The following UGT1A10 variants were observed in gnomAD, a reference collection of about 807,000 sequenced individuals.
The protein encoded by UGT1A10 is UDP glucuronosyltransferase family 1 member A10.
In UGT1A10, 49 loss-of-function variants were observed where a neutral mutation model predicts 45.8. The observed-to-expected ratio is 1.07, with a 90% CI of 0.85 to 1.36. UGT1A10 has a LOEUF of 1.36. UGT1A10 is among the 40% of genes most tolerant of loss of function. The pLI is 0.00. For synonymous variants in UGT1A10, 284 were observed against 249.7 expected, an observed-to-expected ratio of 1.14 and a Z score of -1.29; for missense variants, 745 against 668.6, an observed-to-expected ratio of 1.11 and a Z score of -1.26.
chr2:233,664,660 C>T (rs1354258800), intron 1 of UGT1A10, among the ~76,000 whole-genome samples: 1 of 152,144 alleles, frequency 6.6e-6, no homozygotes, highest in Non-Finnish European at 1.5e-5. Context: ...TGTGAATACT[C>T]ACTGACTATT....
At position 233,772,978 on chromosome 2, in the gene UGT1A10, T is replaced by C. The variant is rs34942353; in HGVS notation, c.*419T>C. On this transcript the variant is annotated 3_prime_UTR_variant, in exon 5 of 5. Coordinates refer to ENST00000344644, the MANE Select transcript of UGT1A10 (RefSeq NM_019075.4). ...GTTGCAATTGATCCTTAACCAATAATGGTCAGTCCTCATCTCTGTCGTGCT... is the reference window on the plus strand; with the variant it reads ...GTTGCAATTGATCCTTAACCAATAACGGTCAGTCCTCATCTCTGTCGTGCT... 9.7e-5 allele frequency: 29 copies of C among 299,424 alleles called. No homozygotes were observed. The East Asian group carries it at 2.0e-3, about 21-fold the overall frequency. 18.5% of individuals were successfully genotyped at this position (299,424 alleles called of 1,614,324 possible).
At chr2:233,716,496 C>T (rs2076507073) in intron 1 of UGT1A10, among the ~76,000 whole-genome samples, 1 of 152,152 alleles carries the variant, frequency 6.6e-6, no homozygotes, top group African/African-American at 2.4e-5. Context: ...TTCTATTCTC[C>T]AGGCTTCAGA....
At chr2:233,682,254 T>A in intron 1 of UGT1A10, 2 of 1,614,188 alleles carry the variant, frequency 1.2e-6, no homozygotes, top group South Asian at 1.1e-5. Flanking sequence ...CGAAGTGCAT[T>A]TTCTCTATTA....
chr2:233,718,752 A>G (rs2076680847), intron 1 of UGT1A10: 6 of 1,612,234 alleles, frequency 3.7e-6, no homozygotes, highest in Non-Finnish European at 5.1e-6. Context: ...AAGGTAATTA[A>G]GGCGAAGGAA....
chr2:233,762,966 C>T (rs947524337), intron 1 of UGT1A10, among the ~76,000 whole-genome samples: 7 of 152,068 alleles, frequency 4.6e-5, no homozygotes, highest in African/African-American at 1.2e-4. Context: ...GAAAGATGCC[C>T]GTCTTGCTGC....
chr2:233,723,201 A>T (rs11677089), intron 1 of UGT1A10, among the ~76,000 whole-genome samples: 2,577 of 129,328 alleles, frequency 0.02, 30 homozygotes, highest in Non-Finnish European at 0.026. Context: ...TGGTAAAAAA[A>T]GTCAAAACTG....
intron 1 of UGT1A10, among the ~76,000 whole-genome samples, chr2:233,744,197 G>A (rs540976533): frequency 1.3e-5 from 2 of 151,982 alleles, no homozygotes; most frequent in East Asian, 1.9e-4. Flanking sequence ...TCTCCAAAAA[G>A]GATGGGAAAA....
At position 233,741,549 on chromosome 2, in the gene UGT1A10, A is replaced by G. The variant is rs1414651717; in HGVS notation, c.856-25485A>G. 1.3e-5 allele frequency: 2 copies of G among 151,888 alleles called. 1 individual carries two copies. The highest frequency in any genetic ancestry group is 4.9e-5 in the African/African-American group (2 of 41,148). 9.4% of individuals were successfully genotyped at this position (151,888 alleles called of 1,614,324 possible). A position where few individuals can be genotyped will look rare whatever the true frequency, so the allele number is the denominator to read the frequency against. ...TCTGTCTTATTCTGATACTTCTTTT[A>G]TGGTTATTGTATGAGAATCAACTAC... On this transcript the variant is annotated intron_variant, in intron 1 of 4. Transcript: ENST00000344644.
intron 1 of UGT1A10, among the ~76,000 whole-genome samples, chr2:233,673,148 G>A (rs914780086): frequency 3.3e-5 from 5 of 151,930 alleles, no homozygotes; most frequent in Middle Eastern, 3.2e-3. Context: ...TTCTTTTAAT[G>A]TTTTTAAAAA....
intron 1 of UGT1A10, chr2:233,718,844 C>G (rs1382357882): frequency 6.2e-7 from 1 of 1,613,706 alleles, no homozygotes; most frequent in Non-Finnish European, 8.5e-7. Flanking sequence ...TCCAGGTTCC[C>G]CTGCCGCGGC....
chr2:233,729,788 C>G, intron 1 of UGT1A10: 1 of 1,613,954 alleles, frequency 6.2e-7, no homozygotes, highest in Non-Finnish European at 8.5e-7. Flanking sequence ...CTGGCCCTGT[C>G]CTACATTTGC....
Position 233,645,529 on chromosome 2 carries a change from A to G in UGT1A10, c.855+8152A>G, listed in dbSNP as rs553744787. ...GCAAGTTAGTTACTTCCTAGACACA[A>G]TGAGGGTACAGGTATTGGGTAAATA... On this transcript the variant is annotated intron_variant, in intron 1 of 4. Coordinates refer to ENST00000344644, the MANE Select transcript of UGT1A10 (RefSeq NM_019075.4). Among the ~76,000 whole-genome samples, 3 of 152,340 alleles carry G rather than the reference A, an allele frequency of 2.0e-5. No individual in the cohort carries two copies. The South Asian group carries it at 6.2e-4, about 32-fold the overall frequency.
At chr2:233,712,083 G>A (rs1229537579) in intron 1 of UGT1A10, among the ~76,000 whole-genome samples, 1 of 152,192 alleles carries the variant, frequency 6.6e-6, no homozygotes, top group African/African-American at 2.4e-5. Flanking sequence ...ATAAAGGCCT[G>A]GATGAATGGA....
At chr2:233,757,839 A>T (rs1696732636) in intron 1 of UGT1A10, among the ~76,000 whole-genome samples, 1 of 151,872 alleles carries the variant, frequency 6.6e-6, no homozygotes, top group Non-Finnish European at 1.5e-5. Flanking sequence ...GTGGCCTACT[A>T]ACTTATGTCT....
intron 1 of UGT1A10, chr2:233,693,321 C>T: frequency 6.2e-7 from 1 of 1,614,222 alleles, no homozygotes. Flanking sequence ...TCATTCCTAA[C>T]TGCTCCTCAG....
chr2:233,697,491 A>G lies in UGT1A10; in HGVS notation c.855+60114A>G, dbSNP rs1240411195. ...TCTTAGTCTAGCTCAAGGTTTGCCA[A>G]TTTTGTTTATCTTTTTTTTTTTTTA... On this transcript the variant is annotated intron_variant, in intron 1 of 4. Transcript: ENST00000344644. Among the ~76,000 whole-genome samples, 4 of 148,052 alleles carry G rather than the reference A, an allele frequency of 2.7e-5. No individual in the cohort carries two copies. The South Asian group carries it at 6.4e-4, about 24-fold the overall frequency.
At chr2:233,675,874 A>G (rs1050694557) in intron 1 of UGT1A10, among the ~76,000 whole-genome samples, 2 of 152,228 alleles carry the variant, frequency 1.3e-5, no homozygotes. Flanking sequence ...TTTGTTACAT[A>G]GCCACAATAT....
chr2:233,716,707 T>G (rs2076520900), intron 1 of UGT1A10, among the ~76,000 whole-genome samples: 1 of 152,188 alleles, frequency 6.6e-6, no homozygotes, highest in Non-Finnish European at 1.5e-5. Flanking sequence ...TTAAAAACAC[T>G]AAAGAGTTCC....
intron 1 of UGT1A10, chr2:233,743,939 C>T: frequency 7.4e-7 from 1 of 1,355,422 alleles, no homozygotes; most frequent in Non-Finnish European, 9.9e-7. Context: ...GAACGGCCCA[C>T]CAGGCACTGG....
Sources: gnomAD v4.1 joint callset for allele counts (sites outside exome capture counted in the v4.1 genomes callset) on GRCh38, gnomAD v4.1.1 for gene constraint, MANE v1.5 for transcripts, NCBI Gene and HGNC (gene_info 2026-07-23, HGNC 2026-07-21) for gene names.